Variants in CELF4 observed in about 807,000 individuals in gnomAD.
CELF4 encodes the protein CUG-BP- and ETR-3-like factor 4.
A neutral mutation model predicts 59.9 loss-of-function variants in CELF4; 18 were observed. The observed-to-expected ratio is 0.30, with a 90% CI of 0.21 to 0.45. The LOEUF (loss-of-function observed/expected upper bound fraction) is 0.45, where lower values mean the gene tolerates loss of function less well. Ranked by LOEUF, CELF4 falls within the 20% of genes least tolerant of loss-of-function variation. CELF4 has a pLI of 1.00. For synonymous variants in CELF4, 261 were observed against 267.1 expected (o/e 0.98, Z 0.22); for missense variants, 456 against 689.0 (o/e 0.66, Z 3.79).
chr18:37,280,661 C>T (rs574614203), intron 3 of CELF4, among the ~76,000 whole-genome samples: 3 of 152,304 alleles, frequency 2.0e-5, no homozygotes, highest in African/African-American at 7.2e-5. Context: ...CAAGCCCACA[C>T]CAGAATTTGA....
At chr18:37,472,553 C>G (rs2099836426) in intron 2 of CELF4, among the ~76,000 whole-genome samples, 1 of 152,258 alleles carries the variant, frequency 6.6e-6, no homozygotes, top group African/African-American at 2.4e-5. Flanking sequence ...GCTTTGCATG[C>G]TTCATGCTAT....
chr18:37,520,639 G>A (rs9653002), intron 1 of CELF4, among the ~76,000 whole-genome samples: 28,070 of 152,008 alleles, frequency 0.18, 2,859 homozygotes, highest in African/African-American at 0.26. Context: ...CTGTCTAGCT[G>A]GCTGGTTCCC....
chr18:37,416,658 G>C (rs1182417961), intron 2 of CELF4, among the ~76,000 whole-genome samples: 1 of 152,170 alleles, frequency 6.6e-6, no homozygotes, highest in Non-Finnish European at 1.5e-5. Context: ...CCAGCCTGGG[G>C]GGCCTCTCTG....
intron 2 of CELF4, among the ~76,000 whole-genome samples, chr18:37,381,110 TCATCCATC>T (rs373054331): frequency 7.2e-4 from 97 of 134,644 alleles, no homozygotes; most frequent in Middle Eastern, 4.9e-3. Context: ...CCATCCACCA[TCATCCATC>T]CATCCATCCA....
intron 2 of CELF4, among the ~76,000 whole-genome samples, chr18:37,403,024 G>A (rs2099348292): frequency 6.6e-6 from 1 of 152,186 alleles, no homozygotes; most frequent in Admixed American, 6.5e-5. Context: ...CCCTCACTGG[G>A]CAGGCTCTCC....
At chr18:37,548,729 A>T (rs1157352610) in intron 1 of CELF4, among the ~76,000 whole-genome samples, 1 of 152,148 alleles carries the variant, frequency 6.6e-6, no homozygotes, top group Admixed American at 6.5e-5. Flanking sequence ...TGCTGCAGTG[A>T]TGTGAGAGCA....
At chr18:37,537,982 G>C (rs911374219) in intron 1 of CELF4, among the ~76,000 whole-genome samples, 2 of 152,234 alleles carry the variant, frequency 1.3e-5, no homozygotes, top group African/African-American at 4.8e-5. Flanking sequence ...CTGTGCCCCG[G>C]AGAGTCCCAG....
chr18:37,332,238 T>G (rs773542176), intron 2 of CELF4, among the ~76,000 whole-genome samples: 2 of 152,030 alleles, frequency 1.3e-5, no homozygotes, highest in Non-Finnish European at 2.9e-5. Flanking sequence ...GACCCCTCAC[T>G]CCAGTCCAAG....
rs555691971 is a variant in CELF4, at chr18:37,415,527, GT to G, written c.369+69997del. On this transcript the variant is annotated intron_variant, in intron 2 of 12. Coordinates refer to ENST00000420428, the MANE Select transcript of CELF4 (RefSeq NM_020180.4). ...AAGTTTCTGAATACCTTGAACTCAG[GT>G]TTTTTTCCCCCCAATGATGGGAGAA... is the stretch of plus-strand genomic sequence containing the variant. Among the ~76,000 whole-genome samples, 100 of 152,276 alleles carry G rather than the reference GT, an allele frequency of 6.6e-4. No individual in the cohort carries two copies. The South Asian group carries it at 0.017, about 25-fold the overall frequency.
chr18:37,379,381 G>A (rs1185226432), intron 2 of CELF4, among the ~76,000 whole-genome samples: 10 of 151,898 alleles, frequency 6.6e-5, no homozygotes. Flanking sequence ...ACCTCATTAA[G>A]CTTAGCTTCC....
At chr18:37,346,139 G>T (rs548391584) in intron 2 of CELF4, among the ~76,000 whole-genome samples, 25 of 152,302 alleles carry the variant, frequency 1.6e-4, no homozygotes, top group African/African-American at 5.3e-4. Flanking sequence ...TTCTATGTCT[G>T]CTGGAGGATG....
At chr18:37,397,238 A>G (rs1319824919) in intron 2 of CELF4, among the ~76,000 whole-genome samples, 9 of 152,162 alleles carry the variant, frequency 5.9e-5, no homozygotes, top group South Asian at 2.1e-4. Flanking sequence ...TGCTTGCACA[A>G]CCAGCCCCTC....
chr18:37,517,285 T>A (rs1194529011), intron 1 of CELF4, among the ~76,000 whole-genome samples: 1 of 152,162 alleles, frequency 6.6e-6, no homozygotes, highest in Non-Finnish European at 1.5e-5. Context: ...CAGATTCCTG[T>A]TGGAGAGCAT....
rs935763011 is a variant in CELF4, at chr18:37,321,895, G to A, written c.370-14C>T. On this transcript the variant is annotated splice_polypyrimidine_tract_variant and intron_variant, in intron 2 of 12. Transcript: ENST00000420428. Reference sequence around the variant, plus strand: ...CGGCCGGTTCATCTGCAACAGAGCAGAGGGGGACAGCATTATAGCAGGCCT... The same window carrying A: ...CGGCCGGTTCATCTGCAACAGAGCAAAGGGGGACAGCATTATAGCAGGCCT... The A allele has an allele frequency of 5.6e-6, 9 of 1,609,910 alleles. No individual in the cohort carries two copies. In the African/African-American group the frequency reaches 1.2e-4, roughly 22 times the overall value.
intron 3 of CELF4, among the ~76,000 whole-genome samples, chr18:37,318,634 C>T (rs1006325060): frequency 5.5e-5 from 8 of 145,560 alleles, no homozygotes; most frequent in African/African-American, 2.2e-4. Context: ...TACACCTCCC[C>T]CCCCCCCCAC....
chr18:37,375,051 G>A (rs2098950792), intron 2 of CELF4, among the ~76,000 whole-genome samples: 1 of 152,186 alleles, frequency 6.6e-6, no homozygotes, highest in Admixed American at 6.5e-5. Context: ...TTGGGTGTGT[G>A]TATAGGGTGA....
At chr18:37,456,683 T>C (rs2099779319) in intron 2 of CELF4, among the ~76,000 whole-genome samples, 1 of 152,138 alleles carries the variant, frequency 6.6e-6, no homozygotes, top group Non-Finnish European at 1.5e-5. Context: ...GAGGCCCAGG[T>C]GATCAGGTGA....
chr18:37,466,291 TAA>T (rs2099808601), intron 2 of CELF4, among the ~76,000 whole-genome samples: 1 of 152,084 alleles, frequency 6.6e-6, no homozygotes. Context: ...CCCATCACAT[TAA>T]TAAGAGTTTG....
intron 8 of CELF4, among the ~76,000 whole-genome samples, chr18:37,268,714 G>C (rs938302285): frequency 5.9e-5 from 9 of 152,150 alleles, no homozygotes; most frequent in African/African-American, 2.2e-4. Flanking sequence ...CTGGGGCAGG[G>C]AAACAGAAAA....
Sources: gnomAD v4.1 joint callset for allele counts (sites outside exome capture counted in the v4.1 genomes callset) on GRCh38, gnomAD v4.1.1 for gene constraint, MANE v1.5 for transcripts, NCBI Gene and HGNC (gene_info 2026-07-23, HGNC 2026-07-21) for gene names.